The following GFOD1 variants were observed in gnomAD, a reference collection of about 807,000 sequenced individuals.
GFOD1 encodes the protein Gfo/Idh/MocA-like oxidoreductase domain containing 1.
In GFOD1, 9 loss-of-function variants were observed where a neutral mutation model predicts 25.4. That is an observed-to-expected ratio of 0.35 (90% CI 0.21 to 0.62). The LOEUF (loss-of-function observed/expected upper bound fraction) is 0.62, where lower values mean the gene tolerates loss of function less well. GFOD1 is among the 20% of genes least tolerant of loss of function. The probability of loss-of-function intolerance (pLI) is 0.72; values close to 1 mark genes in which losing one functional copy is unlikely to be tolerated. For missense variants in GFOD1, 403 were observed against 556.9 expected (o/e 0.72, Z 2.78); for synonymous variants, 253 against 245.6 (o/e 1.03, Z -0.28).
intron 1 of GFOD1, among the ~76,000 whole-genome samples, chr6:13,445,972 G>A (rs1757996275): frequency 8.5e-5 from 13 of 152,144 alleles, no homozygotes; most frequent in Admixed American, 8.5e-4. Flanking sequence ...GAGAGTGCTG[G>A]GTGGCAGGAG....
At chr6:13,460,335 A>C (rs1314555143) in intron 1 of GFOD1, among the ~76,000 whole-genome samples, 1 of 152,218 alleles carries the variant, frequency 6.6e-6, no homozygotes, top group African/African-American at 2.4e-5. Context: ...AGGAATATAA[A>C]TCATTGTTAT....
intron 1 of GFOD1, among the ~76,000 whole-genome samples, chr6:13,466,925 C>CACACAT (rs1309799775): frequency 6.6e-6 from 1 of 150,856 alleles, no homozygotes; most frequent in Non-Finnish European, 1.5e-5. Flanking sequence ...CCCATGGGCA[C>CACACAT]ACACATACAC....
chr6:13,462,741 C>A (rs1758312829), intron 1 of GFOD1, among the ~76,000 whole-genome samples: 1 of 152,162 alleles, frequency 6.6e-6, no homozygotes, highest in Non-Finnish European at 1.5e-5. Flanking sequence ...TAAACAAATC[C>A]TATCCGCCAA....
intron 1 of GFOD1, among the ~76,000 whole-genome samples, chr6:13,438,757 G>A (rs1180869397): frequency 6.6e-6 from 1 of 152,090 alleles, no homozygotes; most frequent in Non-Finnish European, 1.5e-5. Context: ...CAAACCTTCT[G>A]AGGTCTGAAG....
rs1393198659 is a variant in GFOD1, at chr6:13,363,774, C to G, written c.*969G>C. On this transcript the variant is annotated 3_prime_UTR_variant, in exon 2 of 2. Coordinates refer to ENST00000379287, the MANE Select transcript of GFOD1 (RefSeq NM_018988.4). Reference sequence around the variant, plus strand: ...CTGCAACACTGAGGCACACAGCTCTCCCCAGTCTTTGGGGGCAGCATATGA... The same window carrying G: ...CTGCAACACTGAGGCACACAGCTCTGCCCAGTCTTTGGGGGCAGCATATGA... The G allele has an allele frequency of 6.6e-6, 1 of 152,058 alleles. No individual in the cohort carries two copies. The highest frequency in any genetic ancestry group is 1.5e-5 in the Non-Finnish European group (1 of 68,018). The allele number at this position is 152,058 out of a possible 1,614,324, so 9.4% of individuals were successfully genotyped here. A position where few individuals can be genotyped will look rare whatever the true frequency, so the allele number is the denominator to read the frequency against.
chr6:13,469,893 A>G, intron 1 of GFOD1: 1 of 1,279,472 alleles, frequency 7.8e-7, no homozygotes. Context: ...CAAATCTGGC[A>G]CATGGTAAGT....
rs148324678 is a variant in GFOD1, at chr6:13,386,849, C to T, written c.254-21187G>A. Among the ~76,000 whole-genome samples, 175 of 152,260 alleles carry T rather than the reference C, an allele frequency of 1.1e-3. 5 individuals are homozygous for T. The East Asian group carries it at 0.031, about 27-fold the overall frequency. On this transcript the variant is annotated intron_variant, in intron 1 of 1. Coordinates refer to ENST00000379287, the MANE Select transcript of GFOD1 (RefSeq NM_018988.4). ...TGTTCTGAAGCGTTTCTGAGGAACA[C>T]CGGCCCTACAGGGGGTTCAAGATTG...
intron 1 of GFOD1, among the ~76,000 whole-genome samples, chr6:13,432,315 G>A (rs1757763683): frequency 6.6e-6 from 1 of 151,156 alleles, no homozygotes; most frequent in Non-Finnish European, 1.5e-5. Flanking sequence ...TTGGGCTCAA[G>A]TGATCCTCCC....
intron 1 of GFOD1, among the ~76,000 whole-genome samples, chr6:13,420,703 C>T (rs1786240935): frequency 6.6e-6 from 1 of 152,210 alleles, no homozygotes; most frequent in African/African-American, 2.4e-5. Context: ...CTTAAATTAA[C>T]AAGACTTCTA....
intron 1 of GFOD1, among the ~76,000 whole-genome samples, chr6:13,400,337 A>G (rs1187452947): frequency 6.6e-6 from 1 of 152,174 alleles, no homozygotes; most frequent in African/African-American, 2.4e-5. Context: ...AAAGCTCAGC[A>G]ACTTGAAGAG....
rs1460250915 is a variant in GFOD1 at position 13,422,811 on chromosome 6, C to T, written c.254-57149G>A. ...CAGGAATTCTTAGCAAGAATTTTCTCTTAGTGAAACAGGAAGTGCCCTGGT... is the reference window on the plus strand; with the variant it reads ...CAGGAATTCTTAGCAAGAATTTTCTTTTAGTGAAACAGGAAGTGCCCTGGT... On this transcript the variant is annotated intron_variant, in intron 1 of 1. Transcript: ENST00000379287. Among the ~76,000 whole-genome samples the T allele has an allele frequency of 2.0e-5, 3 of 152,200 alleles. No homozygotes were observed. In the East Asian group the frequency reaches 5.8e-4, roughly 29 times the overall value.
chr6:13,441,929 C>G (rs994660181), intron 1 of GFOD1, among the ~76,000 whole-genome samples: 3 of 152,170 alleles, frequency 2.0e-5, no homozygotes, highest in African/African-American at 7.2e-5. Context: ...AGGAGAGAAC[C>G]AGCCCTGGAC....
intron 1 of GFOD1, among the ~76,000 whole-genome samples, chr6:13,481,229 G>C (rs940754588): frequency 6.6e-6 from 1 of 152,230 alleles, no homozygotes; most frequent in Non-Finnish European, 1.5e-5. Context: ...ATTGGGAGGG[G>C]AGGATCCAGA....
chr6:13,486,249 C>A, intron 1 of GFOD1: 1 of 261,012 alleles, frequency 3.8e-6, no homozygotes, highest in Non-Finnish European at 5.2e-6. Context: ...CCCCCCCATC[C>A]CCCCCCCCCA....
intron 1 of GFOD1, among the ~76,000 whole-genome samples, chr6:13,422,845 C>T (rs963674402): frequency 1.3e-5 from 2 of 152,208 alleles, no homozygotes; most frequent in African/African-American, 2.4e-5. Flanking sequence ...GTGGGAATGT[C>T]TTGGCCTGGT....
chr6:13,374,839 C>T (rs1785228394), intron 1 of GFOD1, among the ~76,000 whole-genome samples: 1 of 146,670 alleles, frequency 6.8e-6, no homozygotes, highest in African/African-American at 2.5e-5. Flanking sequence ...GCCTCCCGGG[C>T]TCAAGCAATT....
At chr6:13,441,777 A>G (rs149260778) in intron 1 of GFOD1, among the ~76,000 whole-genome samples, 23 of 152,374 alleles carry the variant, frequency 1.5e-4, no homozygotes, top group African/African-American at 5.0e-4. Context: ...CACTTATAAT[A>G]TTAAATACTG....
chr6:13,475,719 AAATAATAATAATAATAATAAT>A (rs56303574), intron 1 of GFOD1, among the ~76,000 whole-genome samples: 2,401 of 135,560 alleles, frequency 0.018, 39 homozygotes, highest in Non-Finnish European at 0.025. Flanking sequence ...CTCCATCTCA[AAATAATAATAATAATAATAAT>A]AATAATAATA....
chr6:13,443,211 G>A (rs553988190), intron 1 of GFOD1, among the ~76,000 whole-genome samples: 1 of 152,340 alleles, frequency 6.6e-6, no homozygotes, highest in East Asian at 1.9e-4. Flanking sequence ...CTGAATTGCT[G>A]CAATCTCATG....
Sources: gnomAD v4.1 joint callset for allele counts (sites outside exome capture counted in the v4.1 genomes callset) on GRCh38, gnomAD v4.1.1 for gene constraint, MANE v1.5 for transcripts, NCBI Gene and HGNC (gene_info 2026-07-23, HGNC 2026-07-21) for gene names.